WNT7B: variants seen among roughly 807,000 people sequenced by gnomAD.
WNT7B encodes protein Wnt-7b.
WNT7B carries 19 observed loss-of-function variants against 38.2 expected under a neutral mutation model. The ratio of observed to expected loss-of-function variants is 0.50; its 90% CI spans 0.35 to 0.73. The LOEUF (loss-of-function observed/expected upper bound fraction) is 0.73. WNT7B is among the 30% of genes least tolerant of loss of function. The pLI, the probability that WNT7B is intolerant of heterozygous loss-of-function variation, is 0.01. For synonymous variants in WNT7B, 243 were observed against 209.3 expected (o/e 1.16, Z -1.39); for missense variants, 423 against 507.9 (o/e 0.83, Z 1.61).
rs188291645 is a variant in WNT7B at position 45,938,465 on chromosome 22, C to A, written c.299-7096G>T. Among the ~76,000 whole-genome samples, 611 of 152,084 alleles carry A rather than the reference C, an allele frequency of 4.0e-3. 5 individuals carry two copies. The highest frequency in any genetic ancestry group is 0.014 in the African/African-American group (584 of 41,476). ...CAGCCTGACCAACATGGTGAAATCC[C>A]GTCTCTACTACAAATACAAAAATTA... On this transcript the variant is annotated intron_variant, in intron 2 of 3. Transcript: ENST00000339464.
Position 45,935,805 on chromosome 22 carries a change from T to G in WNT7B, c.299-4436A>C, listed in dbSNP as rs1027678064. On this transcript the variant is annotated intron_variant, in intron 2 of 3. Coordinates refer to ENST00000339464, the MANE Select transcript of WNT7B (RefSeq NM_058238.3). ...CGAGCCTTCAAAGCAGGAAGGGATTTGCAATAGGCCCATGGCAGTGACGAA... is the reference window on the plus strand; with the variant it reads ...CGAGCCTTCAAAGCAGGAAGGGATTGGCAATAGGCCCATGGCAGTGACGAA... 1.7e-5 allele frequency: 17 copies of G among 985,004 alleles called. No homozygotes were observed. The African/African-American group carries it at 3.0e-4, about 17-fold the overall frequency. 61.0% of individuals were successfully genotyped at this position (985,004 alleles called of 1,614,324 possible). A position where few individuals can be genotyped will look rare whatever the true frequency, so the allele number is the denominator to read the frequency against.
In WNT7B at chr22:45,955,274, G is replaced by A. The variant is rs188584355; in HGVS notation, c.72-5128C>T. Among the ~76,000 whole-genome samples, 74 of 152,380 alleles carry A rather than the reference G, an allele frequency of 4.9e-4. No individual in the cohort carries two copies. In the East Asian group the frequency reaches 8.1e-3, roughly 17 times the overall value. Reference sequence around the variant, plus strand: ...CATGCCATTCCTTCCACATGGAGGCGAGGGGGCTGGGGAGAGGGGTGACTG... The same window carrying A: ...CATGCCATTCCTTCCACATGGAGGCAAGGGGGCTGGGGAGAGGGGTGACTG... On this transcript the variant is annotated intron_variant, in intron 1 of 3. Transcript: ENST00000339464.
intron 2 of WNT7B, among the ~76,000 whole-genome samples, chr22:45,931,828 T>G (rs1031987454): frequency 3.3e-5 from 5 of 152,036 alleles, no homozygotes; most frequent in Admixed American, 6.5e-5. Flanking sequence ...GCATTTGCAC[T>G]GACCCCCGTG....
At chr22:45,939,670 C>CACACAA (rs1417517350) in intron 2 of WNT7B, among the ~76,000 whole-genome samples, 2 of 151,486 alleles carry the variant, frequency 1.3e-5, no homozygotes, top group East Asian at 1.9e-4. Context: ...CACACACACA[C>CACACAA]AAAAATAGCC....
chr22:45,970,629 G>A (rs1157179841), intron 1 of WNT7B, among the ~76,000 whole-genome samples: 5 of 149,550 alleles, frequency 3.3e-5, no homozygotes, highest in South Asian at 2.1e-4. Context: ...TCAGCCAGCC[G>A]GCTCCAAAAC....
At chr22:45,967,397 G>A (rs149673636) in intron 1 of WNT7B, among the ~76,000 whole-genome samples, 3,408 of 152,298 alleles carry the variant, frequency 0.022, 78 homozygotes, top group South Asian at 0.061. Flanking sequence ...GGGATGACAG[G>A]GAGCAGTGTG....
intron 2 of WNT7B, among the ~76,000 whole-genome samples, chr22:45,933,123 G>C (rs1373212301): frequency 6.6e-6 from 1 of 152,156 alleles, no homozygotes; most frequent in East Asian, 1.9e-4. Flanking sequence ...GACTGGGATG[G>C]GGCCCACCAG....
intron 3 of WNT7B, chr22:45,926,556 C>T (rs1330193117): frequency 3.0e-6 from 3 of 985,318 alleles, no homozygotes; most frequent in Non-Finnish European, 2.4e-6. Flanking sequence ...CTGACCAGCC[C>T]AGGAGCCTGG....
chr22:45,963,020 C>T (rs1338836733), intron 1 of WNT7B, among the ~76,000 whole-genome samples: 3 of 152,328 alleles, frequency 2.0e-5, no homozygotes, highest in African/African-American at 7.2e-5. Context: ...CGAGCCACCA[C>T]CTCTCTGCAG....
At position 45,922,540 on chromosome 22, in the gene WNT7B, C is replaced by T. The variant is rs1930957632; in HGVS notation, c.*316G>A. 6 of 378,112 alleles carry T rather than the reference C, an allele frequency of 1.6e-5. No individual in the cohort carries two copies. Among genetic ancestry groups the T allele is most frequent in the Non-Finnish European group, 2.4e-5 (5 of 206,626 alleles). The allele number at this position is 378,112 out of a possible 1,614,324, so 23.4% of individuals were successfully genotyped here. ...CTCTGGGATACAGGTGTGTCCTGGA[C>T]GTTCATTTTCCCAGAGAGAAGAAAG... is the stretch of plus-strand genomic sequence containing the variant. On this transcript the variant is annotated 3_prime_UTR_variant, in exon 4 of 4. Transcript: ENST00000339464.
chr22:45,929,210 A>G (rs941164200), intron 3 of WNT7B, among the ~76,000 whole-genome samples: 1 of 152,166 alleles, frequency 6.6e-6, no homozygotes, highest in African/African-American at 2.4e-5. Context: ...GCCTCCAGGT[A>G]GGTGAACCAC....
chr22:45,943,862 G>A (rs555707179), intron 2 of WNT7B, among the ~76,000 whole-genome samples: 11 of 152,338 alleles, frequency 7.2e-5, no homozygotes, highest in South Asian at 4.1e-4. Flanking sequence ...GCTGAGGGCC[G>A]GGCTGCTGTG....
At chr22:45,940,001 G>C (rs1328989622) in intron 2 of WNT7B, among the ~76,000 whole-genome samples, 1 of 152,142 alleles carries the variant, frequency 6.6e-6, no homozygotes, top group Non-Finnish European at 1.5e-5. Flanking sequence ...TAAGCCACAG[G>C]GTTTCTTTCT....
chr22:45,953,188 G>A (rs185271730), intron 1 of WNT7B, among the ~76,000 whole-genome samples: 86 of 52,184 alleles, frequency 1.6e-3, no homozygotes, highest in Admixed American at 3.1e-3. Flanking sequence ...CACAGCCACC[G>A]TGTCCGTGCC....
intron 2 of WNT7B, among the ~76,000 whole-genome samples, chr22:45,940,453 A>G (rs1453374340): frequency 6.6e-6 from 1 of 151,706 alleles, no homozygotes; most frequent in East Asian, 1.9e-4. Flanking sequence ...GCCTCTTGAC[A>G]CTCTACACAC....
At chr22:45,929,343 C>T (rs1601716531) in intron 3 of WNT7B, among the ~76,000 whole-genome samples, 5 of 152,204 alleles carry the variant, frequency 3.3e-5, no homozygotes, top group Middle Eastern at 3.4e-3. Flanking sequence ...GCCTGTGTCA[C>T]TCATTCCTTT....
intron 3 of WNT7B, among the ~76,000 whole-genome samples, chr22:45,929,870 ATCCAACCATCTAC>A (rs1931268514): frequency 6.7e-6 from 1 of 149,118 alleles, no homozygotes. Context: ...CCATCCATCC[ATCCAACCATCTAC>A]CCACTCATCC....
intron 2 of WNT7B, among the ~76,000 whole-genome samples, chr22:45,934,994 G>A (rs1282448983): frequency 6.6e-6 from 1 of 152,198 alleles, no homozygotes; most frequent in Admixed American, 6.5e-5. Context: ...CACGGGGGAG[G>A]GCCCGTTACC....
At chr22:45,926,609 C>A (rs1931091675) in intron 3 of WNT7B, 1 of 985,300 alleles carries the variant, frequency 1.0e-6, no homozygotes, top group African/African-American at 1.7e-5. Context: ...AGGCACCTCA[C>A]CCTGGATCCT....
Sources: allele counts gnomAD v4.1 joint callset (sites outside exome capture counted in the v4.1 genomes callset), GRCh38; gene constraint gnomAD v4.1.1; transcripts MANE v1.5; gene names NCBI Gene and HGNC (gene_info 2026-07-23, HGNC 2026-07-21).